Variants in RALGAPA2 observed in about 807,000 individuals in gnomAD.
The protein encoded by RALGAPA2 is Ral GTPase activating protein catalytic subunit alpha 2.
RALGAPA2 carries 139 observed loss-of-function variants against 230.4 expected under a neutral mutation model. That is an observed-to-expected ratio of 0.60 (90% CI 0.53 to 0.69). RALGAPA2 has a LOEUF of 0.69. Ranked by LOEUF, RALGAPA2 falls within the 30% of genes least tolerant of loss-of-function variation. The pLI is 0.00. For missense variants in RALGAPA2, 2,163 were observed against 2,276.0 expected, an observed-to-expected ratio of 0.95 and a Z score of 1.01; for synonymous variants, 847 against 837.8, an observed-to-expected ratio of 1.01 and a Z score of -0.19.
intron 5 of RALGAPA2, among the ~76,000 whole-genome samples, chr20:20,642,562 T>A (rs1415641330): frequency 6.6e-6 from 1 of 152,188 alleles, no homozygotes; most frequent in Non-Finnish European, 1.5e-5. Context: ...GAGGGAAGTT[T>A]CTATGAAATT....
intron 11 of RALGAPA2, among the ~76,000 whole-genome samples, chr20:20,620,181 A>G: frequency 1.3e-5 from 2 of 152,264 alleles, no homozygotes; most frequent in East Asian, 3.8e-4. Context: ...CATGTAAAAT[A>G]TGATGGCTTA....
At chr20:20,621,200 T>A (rs16982046) in intron 10 of RALGAPA2, among the ~76,000 whole-genome samples, 1,695 of 151,776 alleles carry the variant, frequency 0.011, 31 homozygotes, top group African/African-American at 0.039. Flanking sequence ...AATTTGTCTA[T>A]AAAAATAACC....
chr20:20,540,785 T>G (rs915779909), intron 24 of RALGAPA2, among the ~76,000 whole-genome samples: 1 of 151,952 alleles, frequency 6.6e-6, no homozygotes, highest in Non-Finnish European at 1.5e-5. Context: ...TAATAAAAAT[T>G]TATATATTTA....
chr20:20,466,770 C>CA (rs1365855559), intron 37 of RALGAPA2, among the ~76,000 whole-genome samples: 8 of 152,322 alleles, frequency 5.3e-5, no homozygotes, highest in African/African-American at 1.9e-4. Flanking sequence ...CCGAAATCCT[C>CA]AGACATTGTT....
intron 35 of RALGAPA2, 114 bp downstream of exon 35, chr20:20,503,237 T>G: frequency 7.6e-6 from 8 of 1,058,898 alleles, no homozygotes; most frequent in Non-Finnish European, 1.0e-5. Flanking sequence ...CTCAGGGTCG[T>G]AGAGTTCAGA....
At chr20:20,582,971 C>T in intron 20 of RALGAPA2, 79 bp downstream of exon 20, 1 of 1,452,682 alleles carries the variant, frequency 6.9e-7, no homozygotes, top group Non-Finnish European at 9.4e-7. Flanking sequence ...TCAGAACCCT[C>T]TGTATACAAG....
At chr20:20,680,435 A>G (rs1269858114) in intron 2 of RALGAPA2, among the ~76,000 whole-genome samples, 3 of 152,116 alleles carry the variant, frequency 2.0e-5, no homozygotes, top group Non-Finnish European at 4.4e-5. Flanking sequence ...CTTTTTCAGT[A>G]ACTTACTCCT....
intron 3 of RALGAPA2, among the ~76,000 whole-genome samples, chr20:20,655,781 C>G (rs150015957): frequency 1.5e-3 from 224 of 152,170 alleles, no homozygotes; most frequent in African/African-American, 5.2e-3. Flanking sequence ...GGATCAAGGC[C>G]GGCCAGGTAA....
chr20:20,611,318 A>G lies in RALGAPA2; in HGVS notation c.1797T>C (p.Phe599=). Residue 599 remains phenylalanine (F), a synonymous_variant, in exon 14 of 40, where the codon TTT becomes TTC. Transcript: ENST00000202677. ...LFAQSLAGLL[F]RTLMVAWIRA... ...TGCTTTCATAAAAAAGACTTACCCT[A>G]AATAGTAACCCTGCCAAGCTCTGGG... is the stretch of plus-strand genomic sequence containing the variant. The G allele has an allele frequency of 6.2e-7, 1 of 1,608,988 alleles. No individual in the cohort carries two copies. Among genetic ancestry groups the G allele is most frequent in the Non-Finnish European group, 8.5e-7 (1 of 1,176,950 alleles).
chr20:20,676,378 A>G, intron 2 of RALGAPA2, 90 bp from the exon 3 acceptor site: 1 of 800,870 alleles, frequency 1.2e-6, no homozygotes, highest in East Asian at 2.7e-5. Flanking sequence ...AAAACTAGTA[A>G]GCCTCAACAT....
chr20:20,654,119 T>C (rs1007864499), intron 3 of RALGAPA2, among the ~76,000 whole-genome samples: 5 of 152,228 alleles, frequency 3.3e-5, no homozygotes, highest in Admixed American at 3.3e-4. Flanking sequence ...AGTTTTAGAA[T>C]TATAGTTAAG....
At chr20:20,568,848 T>C (rs890300406) in intron 23 of RALGAPA2, among the ~76,000 whole-genome samples, 1 of 152,204 alleles carries the variant, frequency 6.6e-6, no homozygotes, top group Non-Finnish European at 1.5e-5. Flanking sequence ...ACAAAACTGA[T>C]AATGTTCAAT....
chr20:20,543,154 C>T (rs553554768), intron 24 of RALGAPA2, among the ~76,000 whole-genome samples: 2 of 152,244 alleles, frequency 1.3e-5, no homozygotes, highest in South Asian at 4.2e-4. Context: ...AAGCGATTCT[C>T]CTGCCTCAGC....
At chr20:20,487,757 C>T (rs1038939233) in intron 36 of RALGAPA2, among the ~76,000 whole-genome samples, 2 of 151,710 alleles carry the variant, frequency 1.3e-5, no homozygotes, top group Admixed American at 6.6e-5. Context: ...AAAAAAAATA[C>T]AAAACTTAGC....
At chr20:20,432,081 C>T (rs953568063) in intron 37 of RALGAPA2, among the ~76,000 whole-genome samples, 49 of 152,104 alleles carry the variant, frequency 3.2e-4, no homozygotes, top group Non-Finnish European at 7.4e-5. Flanking sequence ...GCAGTTGGTG[C>T]GAGAAACAGT....
At chr20:20,421,658 G>A (rs1394926998) in intron 37 of RALGAPA2, among the ~76,000 whole-genome samples, 4 of 152,020 alleles carry the variant, frequency 2.6e-5, no homozygotes, top group Non-Finnish European at 5.9e-5. Flanking sequence ...CAACAAGAGC[G>A]AAACTCTGTC....
chr20:20,616,353 AT>A (rs1050364869), intron 12 of RALGAPA2, among the ~76,000 whole-genome samples, 162 bp from the exon 13 acceptor site: 4 of 151,916 alleles, frequency 2.6e-5, no homozygotes, highest in East Asian at 3.9e-4. Flanking sequence ...CATATTCAAA[AT>A]TTTTTTTTGG....
chr20:20,686,481 G>A (rs1467005178), intron 1 of RALGAPA2, among the ~76,000 whole-genome samples: 13 of 150,806 alleles, frequency 8.6e-5, no homozygotes, highest in African/African-American at 1.7e-4. Flanking sequence ...GGGAGGAGCC[G>A]AGATCGCACC....
rs2061999016 is a variant in RALGAPA2, at chr20:20,489,590, A to C, written c.5367+5527T>G. 1.3e-5 allele frequency among the ~76,000 whole-genome samples: 2 copies of C among 151,932 alleles called. 1 individual carries two copies. Reference sequence around the variant, plus strand: ...ATGAAAAAAAAAAAAAGAGCAAAAAACCCAACAACAACAAACTAATACATT... The same window carrying C: ...ATGAAAAAAAAAAAAAGAGCAAAAACCCCAACAACAACAAACTAATACATT... On this transcript the variant is annotated intron_variant, in intron 36 of 39. Transcript: ENST00000202677.
Sources: allele counts gnomAD v4.1 joint callset (sites outside exome capture counted in the v4.1 genomes callset), GRCh38; gene constraint gnomAD v4.1.1; transcripts MANE v1.5; gene names NCBI Gene and HGNC (gene_info 2026-07-23, HGNC 2026-07-21).